Variants in CNTN3 observed in about 807,000 individuals in gnomAD.
The protein encoded by CNTN3 is contactin 3, also known as contactin-3.
CNTN3 carries 60 observed loss-of-function variants against 119.1 expected under a neutral mutation model. The observed-to-expected ratio is 0.50, with a 90% CI of 0.41 to 0.62. The LOEUF (loss-of-function observed/expected upper bound fraction) is 0.62, where lower values mean the gene tolerates loss of function less well. Among genes scored for constraint, CNTN3 ranks in the 20% least tolerant of loss-of-function variants. The pLI is 0.00. For synonymous variants in CNTN3, 450 were observed against 438.7 expected, an observed-to-expected ratio of 1.03 and a Z score of -0.32; for missense variants, 1,101 against 1,242.4, an observed-to-expected ratio of 0.89 and a Z score of 1.71.
chr3:74,585,012 A>C (rs1289644184), intron 1 of CNTN3, among the ~76,000 whole-genome samples: 2 of 152,218 alleles, frequency 1.3e-5, no homozygotes, highest in Non-Finnish European at 2.9e-5. Flanking sequence ...GAAAGAAGAA[A>C]GAAGTCTTTC....
chr3:74,433,478 A>T (rs1701817519), intron 4 of CNTN3, among the ~76,000 whole-genome samples: 2 of 152,234 alleles, frequency 1.3e-5, no homozygotes, highest in Non-Finnish European at 2.9e-5. Context: ...ACTATTTAGG[A>T]AATGTAGCAA....
intron 5 of CNTN3, among the ~76,000 whole-genome samples, chr3:74,423,330 G>T (rs1701646193): frequency 6.6e-6 from 1 of 152,218 alleles, no homozygotes; most frequent in Non-Finnish European, 1.5e-5. Context: ...GGAAGTTATG[G>T]ATTAAATCAG....
intron 1 of CNTN3, among the ~76,000 whole-genome samples, chr3:74,588,813 C>A (rs1359017906): frequency 3.9e-5 from 6 of 152,150 alleles, no homozygotes; most frequent in African/African-American, 1.4e-4. Context: ...ATGTCTACAA[C>A]TATCTGATCT....
At position 74,301,628 on chromosome 3, in the gene CNTN3, T is replaced by A. The variant is rs555127152; in HGVS notation, c.1945+19A>T. ...TCCATTTATATGTGTGCAGATGACATCTGCCTCTCCTGCTTTACCTGTTGT... is the reference window on the plus strand; with the variant it reads ...TCCATTTATATGTGTGCAGATGACAACTGCCTCTCCTGCTTTACCTGTTGT... On this transcript the variant is annotated intron_variant, in intron 15 of 22. Coordinates refer to ENST00000263665, the MANE Select transcript of CNTN3 (RefSeq NM_020872.3). The A allele has an allele frequency of 1.3e-5, 21 of 1,613,686 alleles. No individual in the cohort carries two copies. In the South Asian group the frequency reaches 2.0e-4, roughly 15 times the overall value.
chr3:74,448,312 C>T (rs1702085546), intron 4 of CNTN3, among the ~76,000 whole-genome samples: 2 of 152,122 alleles, frequency 1.3e-5, no homozygotes, highest in African/African-American at 4.8e-5. Context: ...AACTACTGGA[C>T]ACTAGGGGCT....
chr3:74,561,553 T>G (rs969402616), intron 1 of CNTN3, among the ~76,000 whole-genome samples: 1 of 152,132 alleles, frequency 6.6e-6, no homozygotes, highest in Non-Finnish European at 1.5e-5. Flanking sequence ...TCCCATGACT[T>G]GCGTTTCTTC....
intron 5 of CNTN3, among the ~76,000 whole-genome samples, chr3:74,388,234 G>A (rs1246088812): frequency 6.6e-6 from 1 of 152,034 alleles, no homozygotes; most frequent in African/African-American, 2.4e-5. Flanking sequence ...ATATAAAAAT[G>A]TACATGAATT....
At chr3:74,385,537 C>G (rs907273835) in intron 5 of CNTN3, among the ~76,000 whole-genome samples, 6 of 152,194 alleles carry the variant, frequency 3.9e-5, no homozygotes, top group Non-Finnish European at 7.3e-5. Context: ...GCATTGGAGT[C>G]ATAGGATTTG....
chr3:74,491,719 G>C (rs954627151), intron 3 of CNTN3, among the ~76,000 whole-genome samples: 1 of 151,970 alleles, frequency 6.6e-6, no homozygotes, highest in Non-Finnish European at 1.5e-5. Context: ...CATAAATTTG[G>C]GAAGCTTTTA....
intron 11 of CNTN3, among the ~76,000 whole-genome samples, chr3:74,349,013 G>A (rs1703756532): frequency 6.6e-6 from 1 of 151,862 alleles, no homozygotes; most frequent in African/African-American, 2.4e-5. Flanking sequence ...GTGAGCCTAG[G>A]AATTGGAGAC....
intron 4 of CNTN3, among the ~76,000 whole-genome samples, chr3:74,427,258 G>A (rs1486709351): frequency 6.6e-6 from 1 of 152,154 alleles, no homozygotes; most frequent in Non-Finnish European, 1.5e-5. Context: ...CTGAAAAGGT[G>A]GTAAGTACAC....
intron 13 of CNTN3, among the ~76,000 whole-genome samples, chr3:74,332,451 C>A (rs1472213523): frequency 6.6e-6 from 1 of 152,218 alleles, no homozygotes; most frequent in Non-Finnish European, 1.5e-5. Context: ...TATGAAATTT[C>A]ATGTTGCAGA....
chr3:74,613,120 C>T (rs1330307567), intron 1 of CNTN3, among the ~76,000 whole-genome samples: 1 of 152,118 alleles, frequency 6.6e-6, no homozygotes, highest in African/African-American at 2.4e-5. Context: ...AAGGCAATTA[C>T]TCCTCCTTTC....
In CNTN3 at chr3:74,262,999, A is replaced by G. The variant is rs1701604335; in HGVS notation, c.*1402T>C. 6.6e-6 allele frequency: 1 copy of G among 152,170 alleles called. No homozygotes were observed. The highest frequency in any genetic ancestry group is 1.5e-5 in the Non-Finnish European group (1 of 68,000). 9.4% of individuals were successfully genotyped at this position (152,170 alleles called of 1,614,324 possible). ...TAAAATAGTGCTTTATGGTGATATC[A>G]GAATTTCCCTAATTTTTAATCTTTC... On this transcript the variant is annotated 3_prime_UTR_variant, in exon 23 of 23. Coordinates refer to ENST00000263665, the MANE Select transcript of CNTN3 (RefSeq NM_020872.3).
At position 74,301,640 on chromosome 3, in the gene CNTN3, G is replaced by T. The variant is rs150713791; in HGVS notation, c.1945+7C>A. On this transcript the variant is annotated splice_region_variant and intron_variant, in intron 15 of 22. Transcript: ENST00000263665. ...TGTGCAGATGACATCTGCCTCTCCT[G>T]CTTTACCTGTTGTGACGGTTTGCCA... The T allele has an allele frequency of 8.1e-5, 130 of 1,613,862 alleles. No homozygotes were observed. The African/African-American group carries it at 1.5e-3, about 19-fold the overall frequency.
In CNTN3 at chr3:74,578,109, A is replaced by G. The variant is rs372371975; in HGVS notation, c.-81+36282T>C. Among the ~76,000 whole-genome samples the G allele has an allele frequency of 1.4e-4, 21 of 152,196 alleles. 1 individual carries two copies. Among genetic ancestry groups the G allele is most frequent in the African/African-American group, 5.1e-4 (21 of 41,574 alleles). On this transcript the variant is annotated intron_variant, in intron 1 of 22. Coordinates refer to ENST00000263665, the MANE Select transcript of CNTN3 (RefSeq NM_020872.3). ...TTTAATATTTATTAACTCCTTATTT[A>G]AGAAAGCATGAATGACTACATATTT...
intron 3 of CNTN3, 27 bp from the exon 4 acceptor site, chr3:74,486,658 C>G (rs1003537059): frequency 9.4e-6 from 14 of 1,491,142 alleles, no homozygotes; most frequent in Non-Finnish European, 1.2e-5. Flanking sequence ...AAGGTTCCCC[C>G]CCCTTAGTAT....
At chr3:74,427,345 TAGTAGC>T (rs1701711857) in intron 4 of CNTN3, among the ~76,000 whole-genome samples, 1 of 152,132 alleles carries the variant, frequency 6.6e-6, no homozygotes, top group African/African-American at 2.4e-5. Flanking sequence ...CGGACAGTAG[TAGTAGC>T]AGTCAGAGGG....
chr3:74,293,693 G>A (rs780691756), intron 19 of CNTN3, among the ~76,000 whole-genome samples: 3 of 152,028 alleles, frequency 2.0e-5, no homozygotes, highest in African/African-American at 7.2e-5. Context: ...CAGGCCAGTC[G>A]TGAAATCCTG....
Sources: gnomAD v4.1 joint callset for allele counts (sites outside exome capture counted in the v4.1 genomes callset) on GRCh38, gnomAD v4.1.1 for gene constraint, MANE v1.5 for transcripts, NCBI Gene and HGNC (gene_info 2026-07-23, HGNC 2026-07-21) for gene names.